Variants in E2F5 observed in about 807,000 individuals in gnomAD.
E2F5 encodes transcription factor E2F5.
A neutral mutation model predicts 39.1 loss-of-function variants in E2F5; 23 were observed. That is an observed-to-expected ratio of 0.59 (90% CI 0.42 to 0.83). The LOEUF (loss-of-function observed/expected upper bound fraction) is 0.83. E2F5 is among the 40% of genes least tolerant of loss of function. The pLI is 0.00. For synonymous variants in E2F5, 145 were observed against 157.8 expected, an observed-to-expected ratio of 0.92 and a Z score of 0.61; for missense variants, 365 against 406.7, an observed-to-expected ratio of 0.90 and a Z score of 0.88.
chr8:85,179,266 T>C (rs1249518510), intron 1 of E2F5, among the ~76,000 whole-genome samples: 5 of 152,194 alleles, frequency 3.3e-5, no homozygotes, highest in Admixed American at 3.3e-4. Context: ...TTTGGGGTTT[T>C]CCAGGTAAAA....
intron 1 of E2F5, among the ~76,000 whole-genome samples, chr8:85,184,742 T>C (rs1812292510): frequency 6.6e-6 from 1 of 152,198 alleles, no homozygotes; most frequent in Non-Finnish European, 1.5e-5. Context: ...AGCCAAATCA[T>C]GAGTGGACTC....
At chr8:85,204,348 A>G (rs1018198240) in intron 3 of E2F5, among the ~76,000 whole-genome samples, 2 of 152,058 alleles carry the variant, frequency 1.3e-5, no homozygotes, top group Non-Finnish European at 2.9e-5. Flanking sequence ...CCATCCTGGG[A>G]CTAGCCACTT....
chr8:85,180,506 C>CTATATA (rs1812181927), intron 1 of E2F5, among the ~76,000 whole-genome samples: 19 of 62,502 alleles, frequency 3.0e-4, no homozygotes, highest in Non-Finnish European at 4.8e-4. Context: ...GTTAAAGAAA[C>CTATATA]TATACATATA....
intron 1 of E2F5, among the ~76,000 whole-genome samples, chr8:85,198,743 C>T (rs1340062234): frequency 6.6e-6 from 1 of 152,178 alleles, no homozygotes; most frequent in Non-Finnish European, 1.5e-5. Flanking sequence ...CTTATATGCT[C>T]ACCTCCTATG....
intron 1 of E2F5, among the ~76,000 whole-genome samples, chr8:85,196,327 T>C (rs1379494094): frequency 6.6e-6 from 1 of 152,234 alleles, no homozygotes; most frequent in Non-Finnish European, 1.5e-5. Context: ...CTATCTCTTA[T>C]AACATTTTGT....
intron 1 of E2F5, among the ~76,000 whole-genome samples, chr8:85,190,253 C>A (rs1812431502): frequency 6.6e-6 from 1 of 152,074 alleles, no homozygotes; most frequent in Admixed American, 6.5e-5. Flanking sequence ...AAAACACACA[C>A]ACACACACCC....
chr8:85,206,496 G>C (rs569704800), intron 4 of E2F5, among the ~76,000 whole-genome samples: 2 of 152,162 alleles, frequency 1.3e-5, no homozygotes, highest in Non-Finnish European at 2.9e-5. Flanking sequence ...AAATCAGAGC[G>C]GGATTAAGCA....
At chr8:85,203,045 A>G (rs1363976514) in intron 2 of E2F5, 49 bp from the exon 3 acceptor site, 1 of 1,276,764 alleles carries the variant, frequency 7.8e-7, no homozygotes, top group African/African-American at 1.5e-5. Flanking sequence ...ATTAAGTGAT[A>G]TTAACCTAGA....
chr8:85,191,229 TA>T (rs1292090401), intron 1 of E2F5, among the ~76,000 whole-genome samples: 1 of 152,190 alleles, frequency 6.6e-6, no homozygotes, highest in Non-Finnish European at 1.5e-5. Context: ...ATCTCATATA[TA>T]GAATCTAAAA....
In E2F5 at chr8:85,203,185, G is replaced by C. The variant is rs777120076; in HGVS notation, c.436G>C (p.Glu146Gln). The change falls in exon 3 of 8, where the codon GAA becomes CAA. Residue 146 changes from glutamate (E) to glutamine (Q), a missense_variant. Coordinates refer to ENST00000416274, the MANE Select transcript of E2F5 (RefSeq NM_001951.4). ...EIEDLELKER[E>Q]LDQQKLWLQQ... ...TGAAGATCTAGAACTGAAGGAAAGA[G>C]AACTTGATCAGCAGAAGTTGTGGCT... The C allele has an allele frequency of 3.1e-6, 5 of 1,607,530 alleles. No individual in the cohort carries two copies. In the East Asian group the frequency reaches 1.1e-4, roughly 36 times the overall value.
intron 3 of E2F5, among the ~76,000 whole-genome samples, chr8:85,205,266 C>T (rs1302257789): frequency 2.0e-5 from 3 of 150,960 alleles, no homozygotes; most frequent in Middle Eastern, 3.5e-3. Context: ...GAGATGGAGT[C>T]GCTCTGTTGC....
chr8:85,205,502 G>GGTC (rs779424058), intron 3 of E2F5, among the ~76,000 whole-genome samples: 15 of 151,936 alleles, frequency 9.9e-5, no homozygotes, highest in Non-Finnish European at 2.1e-4. Context: ...TGGTCAGGCT[G>GGTC]GTCTTGAACT....
intron 1 of E2F5, among the ~76,000 whole-genome samples, chr8:85,178,888 A>T (rs1400522896): frequency 3.9e-5 from 6 of 152,228 alleles, no homozygotes; most frequent in Non-Finnish European, 8.8e-5. Context: ...TGTTGAACTG[A>T]ATTACCTAAA....
intron 1 of E2F5, among the ~76,000 whole-genome samples, chr8:85,181,597 C>T (rs1812215433): frequency 6.7e-6 from 1 of 148,386 alleles, no homozygotes. Flanking sequence ...CCTCGGCCTC[C>T]CAAAGTGCTG....
chr8:85,202,297 T>G, intron 2 of E2F5, 41 bp downstream of exon 2: 1 of 1,395,304 alleles, frequency 7.2e-7, no homozygotes, highest in Non-Finnish European at 9.8e-7. Context: ...ACCTTTTTTC[T>G]TCTCAGTGCT....
intron 6 of E2F5, among the ~76,000 whole-genome samples, chr8:85,210,430 C>T (rs1157394350): frequency 6.6e-6 from 1 of 152,096 alleles, no homozygotes; most frequent in African/African-American, 2.4e-5. Context: ...GTAATCCCAG[C>T]ACTTAGGGAA....
chr8:85,178,505 A>G (rs956610230), intron 1 of E2F5, among the ~76,000 whole-genome samples: 2 of 152,232 alleles, frequency 1.3e-5, no homozygotes, highest in Admixed American at 6.5e-5. Context: ...GAAGAATTCA[A>G]CAGCGCTCAG....
chr8:85,204,284 T>G, intron 3 of E2F5, among the ~76,000 whole-genome samples: 1 of 152,072 alleles, frequency 6.6e-6, no homozygotes, highest in Non-Finnish European at 1.5e-5. Context: ...AAGTTTTCTG[T>G]ATATTATGGT....
chr8:85,189,596 T>C (rs1044565378), intron 1 of E2F5, among the ~76,000 whole-genome samples: 1 of 152,124 alleles, frequency 6.6e-6, no homozygotes, highest in East Asian at 1.9e-4. Context: ...TTTAAAGTCA[T>C]GGCCCCAAGT....
Sources: allele counts gnomAD v4.1 joint callset (sites outside exome capture counted in the v4.1 genomes callset), GRCh38; gene constraint gnomAD v4.1.1; transcripts MANE v1.5; gene names NCBI Gene and HGNC (gene_info 2026-07-23, HGNC 2026-07-21).